BRCA2: variants seen among roughly 807,000 people sequenced by gnomAD.
BRCA2 encodes the protein breast cancer type 2 susceptibility protein.
BRCA2 carries 203 observed loss-of-function variants against 276.7 expected under a neutral mutation model. That is an observed-to-expected ratio of 0.73 (90% confidence interval 0.65 to 0.82). The LOEUF (loss-of-function observed/expected upper bound fraction) is 0.82, where lower values mean the gene tolerates loss of function less well. BRCA2 is among the 40% of genes least tolerant of loss of function. The pLI is 0.00. For synonymous variants in BRCA2, 1,289 were observed against 1,338.4 expected (o/e 0.96, Z 0.81); for missense variants, 3,920 against 3,915.0 (o/e 1.00, Z -0.03).
At chr13:32,380,717 T>G (rs2072919308) in intron 24 of BRCA2, among the ~76,000 whole-genome samples, 1 of 152,024 alleles carries the variant, frequency 6.6e-6, no homozygotes, top group African/African-American at 2.4e-5. Flanking sequence ...ATTTTTTGTA[T>G]TTTTAGTAGA....
intron 20 of BRCA2, among the ~76,000 whole-genome samples, chr13:32,373,454 CA>C (rs987721523): frequency 2.0e-5 from 3 of 151,448 alleles, no homozygotes; most frequent in African/African-American, 7.3e-5. Context: ...TGCAGTAAGC[CA>C]AAATCACACC....
intron 2 of BRCA2, 125 bp from the exon 3 acceptor site, chr13:32,318,952 G>A: frequency 7.9e-7 from 1 of 1,267,258 alleles, no homozygotes; most frequent in Non-Finnish European, 1.1e-6. Flanking sequence ...TAATTAATAT[G>A]CCTTAACAAA....
At position 32,340,384 on chromosome 13, in the gene BRCA2, T is replaced by G. The variant is rs80358839; in HGVS notation, c.6029T>G (p.Val2010Gly). 6.2e-6 allele frequency: 10 copies of G among 1,613,866 alleles called. No individual in the cohort carries two copies. In the East Asian group the frequency reaches 2.2e-4, roughly 36 times the overall value. Residue 2010 changes from valine (V) to glycine (G), a missense_variant, in exon 11 of 27, where the codon GTC becomes GGC. This residue lies in a region of BRCA2 where 3,263 missense variants were observed against 3,156.9 expected (regional missense o/e 1.03). Transcript: ENST00000380152. ...FSEIEDSTKQ[V>G]FSKVLFKSNE... is the part of the protein sequence containing the mutation. Reference sequence around the variant, plus strand: ...GAAATAGAAGATAGTACCAAGCAAGTCTTTTCCAAAGTATTGTTTAAAAGT... The same window carrying G: ...GAAATAGAAGATAGTACCAAGCAAGGCTTTTCCAAAGTATTGTTTAAAAGT...
intron 24 of BRCA2, among the ~76,000 whole-genome samples, chr13:32,382,090 G>T (rs2072928395): frequency 6.6e-6 from 1 of 152,162 alleles, no homozygotes; most frequent in African/African-American, 2.4e-5. Context: ...GGAATGGCTG[G>T]ATATGAATTT....
At chr13:32,354,062 A>G (rs973989654) in intron 13 of BRCA2, among the ~76,000 whole-genome samples, 12 of 152,212 alleles carry the variant, frequency 7.9e-5, no homozygotes, top group African/African-American at 2.9e-4. Flanking sequence ...TTTTTGAGGA[A>G]TCAGGAAGAG....
intron 24 of BRCA2, among the ~76,000 whole-genome samples, chr13:32,380,696 G>A (rs1217394387): frequency 2.6e-5 from 4 of 151,682 alleles, no homozygotes; most frequent in South Asian, 4.2e-4. Flanking sequence ...ACCCGCCACC[G>A]AGCCTGGCCA....
At chr13:32,371,164 G>T in intron 20 of BRCA2, 64 bp downstream of exon 20, 1 of 1,538,922 alleles carries the variant, frequency 6.5e-7, no homozygotes, top group South Asian at 1.2e-5. Flanking sequence ...TAGAGACTTT[G>T]AATTTAACAT....
intron 8 of BRCA2, 137 bp downstream of exon 8, chr13:32,329,629 C>T: frequency 1.4e-6 from 1 of 715,070 alleles, no homozygotes. Context: ...TAAACCTGGT[C>T]CTATATGTGA....
rs11451886 is a variant in BRCA2 at position 32,380,534 on chromosome 13, C to CTTTT, written c.9256+406_9256+409dup. On this transcript the variant is annotated intron_variant, in intron 24 of 26. Transcript: ENST00000380152. ...GGCTATTTATTATCTCAGAGTCAAG[C>CTTTT]TTTTTTTTTTTTTTTTTTTTCCCCG... Among the ~76,000 whole-genome samples the CTTTT allele has an allele frequency of 1.6e-4, 16 of 101,718 alleles. 2 individuals carry two copies. The highest frequency in any genetic ancestry group is 2.9e-4 in the East Asian group (1 of 3,432). 66.7% of individuals were successfully genotyped at this position (101,718 alleles called of 152,430 possible).
At chr13:32,323,802 G>A (rs545043087) in intron 3 of BRCA2, among the ~76,000 whole-genome samples, 2 of 152,284 alleles carry the variant, frequency 1.3e-5, no homozygotes, top group East Asian at 3.9e-4. Context: ...TGCCAAATTT[G>A]TAGTTACCAT....
chr13:32,341,314 G>A, intron 11 of BRCA2, 118 bp downstream of exon 11: 1 of 1,450,562 alleles, frequency 6.9e-7, no homozygotes, highest in East Asian at 2.3e-5. Context: ...AGCCATTTTT[G>A]TGTAGTCAGT....
Position 32,326,653 on chromosome 13 carries a change from G to A in BRCA2, c.631+40G>A, listed in dbSNP as rs766204851. ...TGTGTATTTACAAGAAAGAGCAGATGAGGTTGATAATTGTCATCTCTAATA... is the reference window on the plus strand; with the variant it reads ...TGTGTATTTACAAGAAAGAGCAGATAAGGTTGATAATTGTCATCTCTAATA... On this transcript the variant is annotated intron_variant, in intron 7 of 26. Coordinates refer to ENST00000380152, the MANE Select transcript of BRCA2 (RefSeq NM_000059.4). 2.8e-6 allele frequency: 4 copies of A among 1,447,002 alleles called. No homozygotes were observed. In the Admixed American group the frequency reaches 5.3e-5, roughly 19 times the overall value. The allele number at this position is 1,447,002 out of a possible 1,614,324, so 89.6% of individuals were successfully genotyped here.
intron 3 of BRCA2, among the ~76,000 whole-genome samples, chr13:32,320,129 G>A (rs11571588): frequency 1.6e-3 from 239 of 152,316 alleles, no homozygotes; most frequent in African/African-American, 5.1e-3. Context: ...GTTGGCTTTG[G>A]TTGTTTTGTG....
At position 32,338,942 on chromosome 13, in the gene BRCA2, G is replaced by GA. The variant is rs397507731; in HGVS notation, c.4593dup (p.Val1532SerfsTer2). On this transcript the variant is annotated frameshift_variant, in exon 11 of 27. Coordinates refer to ENST00000380152, the MANE Select transcript of BRCA2 (RefSeq NM_000059.4). LOFTEE classifies it high-confidence loss of function. ...TATTGGGTTTTCATACAGCTAGCGG[G>GA]AAAAAAGTTAAAATTGCAAAGGAAT... 1.2e-6 allele frequency: 2 copies of GA among 1,613,784 alleles called. No individual in the cohort carries two copies. Among genetic ancestry groups the GA allele is most frequent in the Non-Finnish European group, 1.7e-6 (2 of 1,179,874 alleles).
chr13:32,368,269 C>G (rs1317544955), intron 18 of BRCA2, among the ~76,000 whole-genome samples: 2 of 151,922 alleles, frequency 1.3e-5, no homozygotes, highest in African/African-American at 4.8e-5. Flanking sequence ...ATCTGCCCGC[C>G]TTGGCCTCCC....
chr13:32,315,420 C>T (rs1171550445), upstream of BRCA2: 2 of 152,218 alleles, frequency 1.3e-5, no homozygotes, highest in South Asian at 2.1e-4. Flanking sequence ...CCAGGCCTGA[C>T]TTCCGGGTGG....
chr13:32,371,192 T>G, intron 20 of BRCA2, 92 bp downstream of exon 20: 1 of 1,378,894 alleles, frequency 7.3e-7, no homozygotes, highest in Non-Finnish European at 1.0e-6. Flanking sequence ...GAGTAAATTG[T>G]TTTTATTTTG....
chr13:32,386,475 T>C (rs918829651), intron 24 of BRCA2, among the ~76,000 whole-genome samples: 3 of 152,194 alleles, frequency 2.0e-5, no homozygotes, highest in Admixed American at 6.5e-5. Flanking sequence ...TGTAATTCAC[T>C]GTAATGATGT....
rs55962656 is a variant in BRCA2, at chr13:32,333,298, A to G, written c.1820A>G (p.Lys607Arg). The G allele has an allele frequency of 6.2e-7, 1 of 1,605,918 alleles. No individual in the cohort carries two copies. The highest frequency in any genetic ancestry group is 8.5e-7 in the Non-Finnish European group (1 of 1,177,944). ...ETSYKGKKIP[K>R]DQKSELINCS... ...TCTTATAAAGGAAAAAAAATACCGAAAGACCAAAAATCAGAACTAATTAAC... is the reference window on the plus strand; with the variant it reads ...TCTTATAAAGGAAAAAAAATACCGAGAGACCAAAAATCAGAACTAATTAAC... Residue 607 changes from lysine to arginine, a missense_variant, in exon 10 of 27, where the codon AAA (lysine) becomes AGA (arginine). Physicochemically the swap from Lys to Arg is conservative, Grantham distance 26. Transcript: ENST00000380152.
Sources: allele counts gnomAD v4.1 joint callset (sites outside exome capture counted in the v4.1 genomes callset), GRCh38; gene constraint gnomAD v4.1.1; regional missense constraint gnomAD v4.1.1; transcripts MANE v1.5; gene names NCBI Gene and HGNC (gene_info 2026-07-23, HGNC 2026-07-21).